COL11A2: variants seen among roughly 807,000 people sequenced by gnomAD.
The protein encoded by COL11A2 is collagen type XI alpha 2 chain.
Under a neutral mutation model 273.4 loss-of-function variants are expected in COL11A2, and 116 were observed. The ratio of observed to expected loss-of-function variants is 0.42; its 90% confidence interval spans 0.36 to 0.49. The LOEUF is 0.49. Ranked by LOEUF, COL11A2 falls within the 20% of genes least tolerant of loss-of-function variation. The pLI is 0.00. For missense variants in COL11A2, 1,866 were observed against 2,309.0 expected (o/e 0.81, Z 3.93); for synonymous variants, 782 against 864.2 (o/e 0.90, Z 1.67).
Position 33,173,731 on chromosome 6 carries a change from A to G in COL11A2, c.2598T>C (p.Gly866=). The change falls in exon 35 of 66, where the codon GGT becomes GGC. Residue 866 remains glycine, a synonymous_variant. Coordinates refer to ENST00000341947, the MANE Select transcript of COL11A2 (RefSeq NM_080680.3). The surrounding 1 kb of genome is among the most constrained non-coding windows in gnomAD (Gnocchi z 6.3). ...CTCCAGGGGGCCCATGGGGGCCATC[A>G]CCACCAGATGTTCCCTGTGGGGGGA... ...GKSGAKGTSG[G]DGPHGPPGER... is the part of the protein sequence containing the mutation. 3 of 1,583,464 alleles carry G rather than the reference A, an allele frequency of 1.9e-6. No individual in the cohort carries two copies. The highest frequency in any genetic ancestry group is 2.6e-6 in the Non-Finnish European group (3 of 1,162,984).
Position 33,166,418 on chromosome 6 carries a change from G to C in COL11A2, c.4392+95C>G, listed in dbSNP as rs981565573. The C allele has an allele frequency of 9.6e-6, 14 of 1,456,422 alleles. No homozygotes were observed. The highest frequency in any genetic ancestry group is 1.3e-5 in the Non-Finnish European group (14 of 1,056,682). 90.2% of individuals were successfully genotyped at this position (1,456,422 alleles called of 1,614,324 possible). A position where few individuals can be genotyped will look rare whatever the true frequency, so the allele number is the denominator to read the frequency against. The stretch of plus-strand genomic sequence containing the variant: ...ATGGGGGACCCTGAGGACTATGCTT[G>C]TTAGGCTGGTAGTTCCATGGAAGTC... On this transcript the variant is annotated intron_variant, in intron 60 of 65. Coordinates refer to ENST00000341947, the MANE Select transcript of COL11A2 (RefSeq NM_080680.3). This position sits in a 1 kb window ranked among gnomAD's most constrained non-coding sequence, Gnocchi z 4.8.
Position 33,176,518 on chromosome 6 carries a change from G to T in COL11A2, c.2116-32C>A. The T allele has an allele frequency of 6.3e-7, 1 of 1,594,882 alleles. No homozygotes were observed. Among genetic ancestry groups the T allele is most frequent in the South Asian group, 1.1e-5 (1 of 90,398 alleles). ...GATAAAAGAGAGGCATTTATAAAGGGGCCTCAGAGTGTCACTGTGGGGGCC... is the reference window on the plus strand; with the variant it reads ...GATAAAAGAGAGGCATTTATAAAGGTGCCTCAGAGTGTCACTGTGGGGGCC... On this transcript the variant is annotated intron_variant, in intron 26 of 65. Coordinates refer to ENST00000341947, the MANE Select transcript of COL11A2 (RefSeq NM_080680.3). This position sits in a 1 kb window ranked among gnomAD's most constrained non-coding sequence, Gnocchi z 4.9.
chr6:33,169,829 AC>A lies in COL11A2; in HGVS notation c.3690+1del. 6.2e-7 allele frequency: 1 copy of A among 1,613,944 alleles called. No individual in the cohort carries two copies. The highest frequency in any genetic ancestry group is 8.5e-7 in the Non-Finnish European group (1 of 1,179,966). ...GAGTAAGGCCTTGGAGCTGTCACTC[AC>A]CTTGACACCTGGCTCGCCCTGGATC... On this transcript the variant is annotated splice_donor_variant, in intron 50 of 65. Transcript: ENST00000341947. LOFTEE classifies it high-confidence loss of function. The surrounding 1 kb of genome is among the most constrained non-coding windows in gnomAD (Gnocchi z 5.5).
Position 33,175,649 on chromosome 6 carries a change from C to T in COL11A2, c.2301G>A (p.Glu767=). 1 of 1,613,004 alleles carries T rather than the reference C, an allele frequency of 6.2e-7. No homozygotes were observed. The highest frequency in any genetic ancestry group is 1.1e-5 in the South Asian group (1 of 91,084). Residue 767 remains glutamate (E), a synonymous_variant, in exon 30 of 66, where the codon GAG becomes GAA. Coordinates refer to ENST00000341947, the MANE Select transcript of COL11A2 (RefSeq NM_080680.3). ...GEVGVPGSRG[E]DGPEGPKGRT... is the part of the protein sequence containing the mutation. Reference sequence around the variant, plus strand: ...GTCCCTTTGGCCCCTCAGGACCATCCTCTCCCCTGGAACCAGGGACTCCAA... The same window carrying T: ...GTCCCTTTGGCCCCTCAGGACCATCTTCTCCCCTGGAACCAGGGACTCCAA...
intron 4 of COL11A2, among the ~76,000 whole-genome samples, chr6:33,187,051 T>C (rs1016140533): frequency 1.3e-5 from 2 of 152,200 alleles, no homozygotes; most frequent in African/African-American, 2.4e-5. Context: ...ATTTTTCAGA[T>C]ACGTTCCATT....
intron 7 of COL11A2, 45 bp downstream of exon 7, chr6:33,184,944 CAGG>C (rs1772185737): frequency 6.7e-7 from 1 of 1,489,780 alleles, no homozygotes; most frequent in Non-Finnish European, 9.2e-7. Flanking sequence ...GAGTGAGTCA[CAGG>C]TGCCCACTGC....
chr6:33,177,483 G>A lies in COL11A2; in HGVS notation c.1918-18C>T, dbSNP rs746459883. On this transcript the variant is annotated intron_variant, in intron 22 of 65. Transcript: ENST00000341947. This position sits in a 1 kb window ranked among gnomAD's most constrained non-coding sequence, Gnocchi z 5.9. Reference sequence around the variant, plus strand: ...TGGGGTCCCTAGAAACAGGTGACCAGGCACAGGTCAGAAGGAGATGGAGAT... The same window carrying A: ...TGGGGTCCCTAGAAACAGGTGACCAAGCACAGGTCAGAAGGAGATGGAGAT... The A allele has an allele frequency of 6.2e-7, 1 of 1,612,682 alleles. No homozygotes were observed. The highest frequency in any genetic ancestry group is 8.5e-7 in the Non-Finnish European group (1 of 1,179,778).
In COL11A2 at chr6:33,173,736, C is replaced by G. The variant is rs1475084296; in HGVS notation, c.2593G>C (p.Gly865Arg). 1 of 1,588,396 alleles carries G rather than the reference C, an allele frequency of 6.3e-7. No homozygotes were observed. The highest frequency in any genetic ancestry group is 1.3e-5 in the African/African-American group (1 of 74,236). The change falls in exon 35 of 66, where the codon GGT becomes CGT. Residue 865 changes from glycine to arginine, a missense_variant. Coordinates refer to ENST00000341947, the MANE Select transcript of COL11A2 (RefSeq NM_080680.3). This position sits in a 1 kb window ranked among gnomAD's most constrained non-coding sequence, Gnocchi z 6.3. ...TGKSGAKGTSGGDGPHGPPGE... is the reference protein window; with the variant it reads ...TGKSGAKGTSRGDGPHGPPGE... ...GGGGGCCCATGGGGGCCATCACCACCAGATGTTCCCTGTGGGGGGAAACAG... is the reference window on the plus strand; with the variant it reads ...GGGGGCCCATGGGGGCCATCACCACGAGATGTTCCCTGTGGGGGGAAACAG...
rs543145528 is a variant in COL11A2 at position 33,167,839 on chromosome 6, G to A, written c.3974C>T (p.Ser1325Leu). The change falls in exon 55 of 66, where the codon TCG becomes TTG. Residue 1325 changes from serine (S) to leucine (L), a missense_variant. Transcript: ENST00000341947. The surrounding 1 kb of genome is among the most constrained non-coding windows in gnomAD (Gnocchi z 6.1). ...GPLGKRGPAG[S>L]PGSEGRQGGK... The stretch of plus-strand genomic sequence containing the variant: ...TCCTTGTCGCCCCTCGGAACCAGGC[G>A]AGCCAGCAGGACCCTGCAGGTGGAG... 508 of 1,612,898 alleles carry A rather than the reference G, an allele frequency of 3.1e-4. 7 individuals are homozygous for A. In the South Asian group the frequency reaches 4.5e-3, roughly 14 times the overall value.
intron 4 of COL11A2, among the ~76,000 whole-genome samples, 195 bp from the exon 5 acceptor site, chr6:33,187,013 G>A (rs1772502732): frequency 6.6e-6 from 1 of 152,172 alleles, no homozygotes; most frequent in East Asian, 1.9e-4. Flanking sequence ...CAGGAAAGTT[G>A]GCAGAACAAG....
rs1377483636 is a variant in COL11A2, at chr6:33,165,885, G to A, written c.4482+46C>T. 2 of 1,613,742 alleles carry A rather than the reference G, an allele frequency of 1.2e-6. No homozygotes were observed. The highest frequency in any genetic ancestry group is 1.1e-5 in the South Asian group (1 of 91,084). On this transcript the variant is annotated intron_variant, in intron 62 of 65. Transcript: ENST00000341947. The surrounding 1 kb of genome is among the most constrained non-coding windows in gnomAD (Gnocchi z 7.7). ...GTGAGGGTGAAGTGTGGCAGCAGTG[G>A]AGCAGAGGGGTACGGCCCTGGGAGC... is the stretch of plus-strand genomic sequence containing the variant.
rs1161814399 is a variant in COL11A2, at chr6:33,164,968, T to C, written c.4751-4A>G. ...TTGGGGTCGACCCAGTACTCTCCTGTTGGGTGAGGGAGAGGGGAGGTCAGG... is the reference window on the plus strand; with the variant it reads ...TTGGGGTCGACCCAGTACTCTCCTGCTGGGTGAGGGAGAGGGGAGGTCAGG... On this transcript the variant is annotated splice_polypyrimidine_tract_variant and splice_region_variant and intron_variant, in intron 63 of 65. Transcript: ENST00000341947. This position sits in a 1 kb window ranked among gnomAD's most constrained non-coding sequence, Gnocchi z 4.7. The C allele has an allele frequency of 2.6e-6, 4 of 1,567,074 alleles. No individual in the cohort carries two copies. The highest frequency in any genetic ancestry group is 3.5e-6 in the Non-Finnish European group (4 of 1,154,510).
chr6:33,171,090 G>A lies in COL11A2; in HGVS notation c.3366+24C>T, dbSNP rs372777349. ...GAGGACCAGAGGCTGCTGGGCCTTC[G>A]GTGGGGGTGGAGGGGTCACTCACCG... On this transcript the variant is annotated intron_variant, in intron 45 of 65. Transcript: ENST00000341947. 1.6e-4 allele frequency: 248 copies of A among 1,573,034 alleles called. 2 individuals are homozygous for A. In the African/African-American group the frequency reaches 2.6e-3, roughly 17 times the overall value.
At position 33,173,124 on chromosome 6, in the gene COL11A2, AAG is replaced by A; in HGVS notation, c.2737-13_2737-12del. The A allele has an allele frequency of 1.2e-6, 2 of 1,609,886 alleles. No individual in the cohort carries two copies. Among genetic ancestry groups the A allele is most frequent in the East Asian group, 2.2e-5 (1 of 44,750 alleles). On this transcript the variant is annotated splice_polypyrimidine_tract_variant and intron_variant, in intron 37 of 65. Coordinates refer to ENST00000341947, the MANE Select transcript of COL11A2 (RefSeq NM_080680.3). This position sits in a 1 kb window ranked among gnomAD's most constrained non-coding sequence, Gnocchi z 6.3. ...CTTCCCTTGGAAACCCTAGGCGAGG[AAG>A]AGAGGAGAATGCAGTGAAAGCAGGT... is the stretch of plus-strand genomic sequence containing the variant.
At chr6:33,180,224 A>G in intron 12 of COL11A2, 34 bp downstream of exon 12, 2 of 1,598,194 alleles carry the variant, frequency 1.3e-6, no homozygotes, top group East Asian at 2.2e-5. Context: ...TGTCTTCCCC[A>G]TCAGCATGTT....
chr6:33,183,705 G>A (rs1374348771), intron 8 of COL11A2, among the ~76,000 whole-genome samples: 1 of 152,080 alleles, frequency 6.6e-6, no homozygotes, highest in Non-Finnish European at 1.5e-5. Context: ...TGGCCTGTAG[G>A]TTAAAAAAAG....
In COL11A2 at chr6:33,190,609, G is replaced by T. The variant is rs1031318021; in HGVS notation, c.83-1140C>A. On this transcript the variant is annotated intron_variant, in intron 1 of 65. Transcript: ENST00000341947. The surrounding 1 kb of genome is among the most constrained non-coding windows in gnomAD (Gnocchi z 4.5). Reference sequence around the variant, plus strand: ...CAATCAGGAGAGTGGAGCTGGGTGGGGTGGGTGAGGTGGGGCGGGCAGGCA... The same window carrying T: ...CAATCAGGAGAGTGGAGCTGGGTGGTGTGGGTGAGGTGGGGCGGGCAGGCA... Among the ~76,000 whole-genome samples the T allele has an allele frequency of 1.3e-5, 2 of 152,056 alleles. No individual in the cohort carries two copies. Among genetic ancestry groups the T allele is most frequent in the African/African-American group, 4.8e-5 (2 of 41,386 alleles).
Position 33,167,655 on chromosome 6 carries a change from C to T in COL11A2, c.4015-122G>A, listed in dbSNP as rs1470470370. 3.4e-6 allele frequency: 5 copies of T among 1,451,100 alleles called. No individual in the cohort carries two copies. Among genetic ancestry groups the T allele is most frequent in the Non-Finnish European group, 3.8e-6 (4 of 1,047,982 alleles). 89.9% of individuals were successfully genotyped at this position (1,451,100 alleles called of 1,614,324 possible). ...AGGGCCAAACTCTAGGAGCCCCTAGCGCAGGAACAAGTACAGGGAACGCCT... is the reference window on the plus strand; with the variant it reads ...AGGGCCAAACTCTAGGAGCCCCTAGTGCAGGAACAAGTACAGGGAACGCCT... On this transcript the variant is annotated intron_variant, in intron 55 of 65. Transcript: ENST00000341947. The surrounding 1 kb of genome is among the most constrained non-coding windows in gnomAD (Gnocchi z 6.1).
At chr6:33,185,558 G>A (rs1460622123) in intron 6 of COL11A2, 143 bp downstream of exon 6, 3 of 464,248 alleles carry the variant, frequency 6.5e-6, no homozygotes, top group Non-Finnish European at 1.3e-5. Flanking sequence ...GACAGGGAGG[G>A]GGCAGGAACT....
Sources: allele counts gnomAD v4.1 joint callset (sites outside exome capture counted in the v4.1 genomes callset), GRCh38; gene constraint gnomAD v4.1.1; non-coding constraint Gnocchi (gnomAD v3.1); transcripts MANE v1.5; gene names NCBI Gene and HGNC (gene_info 2026-07-23, HGNC 2026-07-21).